The following ACTN2 variants were observed in gnomAD, a reference collection of about 807,000 sequenced individuals.
The protein encoded by ACTN2 is alpha-actinin-2.
ACTN2 carries 39 observed loss-of-function variants against 113.8 expected under a neutral mutation model. The observed-to-expected ratio is 0.34, with a 90% confidence interval of 0.27 to 0.45. The LOEUF (loss-of-function observed/expected upper bound fraction) is 0.45. Ranked by LOEUF, ACTN2 falls within the 20% of genes least tolerant of loss-of-function variation. ACTN2 has a pLI of 1.00. For missense variants in ACTN2, 992 were observed against 1,177.9 expected, an observed-to-expected ratio of 0.84 and a Z score of 2.31; for synonymous variants, 429 against 444.1, an observed-to-expected ratio of 0.97 and a Z score of 0.43.
intron 1 of ACTN2, among the ~76,000 whole-genome samples, chr1:236,701,678 C>T (rs919651337): frequency 2.6e-5 from 4 of 152,174 alleles, no homozygotes; most frequent in Non-Finnish European, 4.4e-5. Context: ...TACACATCTG[C>T]AAAATGAAGA....
chr1:236,725,167 G>A (rs1383931553), intron 4 of ACTN2, among the ~76,000 whole-genome samples: 1 of 152,192 alleles, frequency 6.6e-6, no homozygotes, highest in Non-Finnish European at 1.5e-5. Context: ...TACAGATTGT[G>A]CTCAGTATTA....
chr1:236,690,892 A>G (rs1052175635), intron 1 of ACTN2, among the ~76,000 whole-genome samples: 2 of 150,264 alleles, frequency 1.3e-5, no homozygotes, highest in African/African-American at 4.9e-5. Flanking sequence ...GAAACTCTGT[A>G]CCCATTAAAA....
intron 14 of ACTN2, among the ~76,000 whole-genome samples, chr1:236,750,386 G>A (rs1659360178): frequency 6.6e-6 from 1 of 152,118 alleles, no homozygotes; most frequent in Non-Finnish European, 1.5e-5. Flanking sequence ...TTTGAAAGAG[G>A]CTCCGATGGT....
rs886046206 is a variant in ACTN2 at position 236,739,456 on chromosome 1, A to C, written c.1031A>C (p.Asn344Thr). 1 of 1,614,140 alleles carries C rather than the reference A, an allele frequency of 6.2e-7. No individual in the cohort carries two copies. The highest frequency in any genetic ancestry group is 8.5e-7 in the Non-Finnish European group (1 of 1,180,022). The change falls in exon 10 of 21, where the codon AAC becomes ACC. Residue 344 changes from asparagine to threonine, a missense_variant. This residue lies in a region of ACTN2 where 736 missense variants were observed against 815.4 expected (regional missense o/e 0.90). Transcript: ENST00000366578. ...CAGGAGAAATGCCAGCTGGAGATCA[A>C]CTTCAACACGCTGCAGACCAAGCTG... is the stretch of plus-strand genomic sequence containing the variant. ...KVQEKCQLEI[N>T]FNTLQTKLRI...
At position 236,743,042 on chromosome 1, in the gene ACTN2, T is replaced by C. The variant is rs1659121203; in HGVS notation, c.1254T>C (p.Tyr418=). ...QKASTHETWA[Y]GKEQILLQKD... ...CCTCAACGCACGAGACTTGGGCTTA[T>C]GGTAAGTAGACAGGAGTCAGATTGG... The change falls in exon 11 of 21, where the codon TAT becomes TAC. Residue 418 remains tyrosine (Y), a splice_region_variant and synonymous_variant. Coordinates refer to ENST00000366578, the MANE Select transcript of ACTN2 (RefSeq NM_001103.4). 2 of 1,614,114 alleles carry C rather than the reference T, an allele frequency of 1.2e-6. No individual in the cohort carries two copies. The highest frequency in any genetic ancestry group is 1.7e-6 in the Non-Finnish European group (2 of 1,180,026).
intron 1 of ACTN2, among the ~76,000 whole-genome samples, chr1:236,709,366 G>T (rs542638998): frequency 7.4e-6 from 1 of 135,672 alleles, no homozygotes; most frequent in Non-Finnish European, 1.5e-5. Flanking sequence ...ATACGTGTGT[G>T]TGTATATATA....
intron 1 of ACTN2, among the ~76,000 whole-genome samples, chr1:236,691,094 G>C (rs1425426539): frequency 6.6e-6 from 1 of 151,834 alleles, no homozygotes; most frequent in African/African-American, 2.4e-5. Context: ...TGGGTAGCTA[G>C]GATTACAGCT....
chr1:236,762,823 A>G lies in ACTN2; in HGVS notation c.*204A>G. Reference sequence around the variant, plus strand: ...GTATATGACATAGTGCGCTTCATAAATAGGTTTATTTCTGAGTTTTTAGCA... The same window carrying G: ...GTATATGACATAGTGCGCTTCATAAGTAGGTTTATTTCTGAGTTTTTAGCA... On this transcript the variant is annotated 3_prime_UTR_variant, in exon 21 of 21. Transcript: ENST00000366578. The G allele has an allele frequency of 1.6e-6, 1 of 619,386 alleles. No individual in the cohort carries two copies. 38.4% of individuals were successfully genotyped at this position (619,386 alleles called of 1,614,324 possible). A position where few individuals can be genotyped will look rare whatever the true frequency, so the allele number is the denominator to read the frequency against.
chr1:236,752,262 T>C (rs1333282296), intron 15 of ACTN2, among the ~76,000 whole-genome samples: 2 of 152,174 alleles, frequency 1.3e-5, no homozygotes, highest in African/African-American at 4.8e-5. Flanking sequence ...AGTATGCCAA[T>C]CATAGTCTTT....
At chr1:236,755,237 C>T (rs777655285) in intron 17 of ACTN2, 39 bp downstream of exon 17, 41 of 1,612,424 alleles carry the variant, frequency 2.5e-5, no homozygotes, top group Middle Eastern at 1.7e-4. Context: ...TCACTTCTCA[C>T]GGGGACCATG....
At chr1:236,728,969 T>A (rs1281893434) in intron 6 of ACTN2, among the ~76,000 whole-genome samples, 2 of 151,986 alleles carry the variant, frequency 1.3e-5, no homozygotes, top group East Asian at 3.9e-4. Flanking sequence ...TTGTGGCTGC[T>A]CTGTGCTGCC....
intron 1 of ACTN2, among the ~76,000 whole-genome samples, chr1:236,705,092 G>A (rs1323633999): frequency 6.6e-6 from 1 of 152,146 alleles, no homozygotes; most frequent in African/African-American, 2.4e-5. Flanking sequence ...GGGAAAGCCT[G>A]CTCCTGAGGC....
intron 1 of ACTN2, among the ~76,000 whole-genome samples, chr1:236,711,592 C>T (rs977743687): frequency 2.6e-5 from 4 of 152,136 alleles, no homozygotes; most frequent in African/African-American, 9.7e-5. Context: ...TCAAGTGATC[C>T]ACCCACCTTG....
rs1277911349 is a variant in ACTN2, at chr1:236,731,371, T to C, written c.697+57T>C. 4 of 1,415,348 alleles carry C rather than the reference T, an allele frequency of 2.8e-6. No individual in the cohort carries two copies. In the East Asian group the frequency reaches 9.1e-5, roughly 32 times the overall value. The allele number at this position is 1,415,348 out of a possible 1,614,324, so 87.7% of individuals were successfully genotyped here. Reference sequence around the variant, plus strand: ...GGAAATTTGAAGACTACAAATGTTATGGCTACACATTGGGACCTTGCAAAA... The same window carrying C: ...GGAAATTTGAAGACTACAAATGTTACGGCTACACATTGGGACCTTGCAAAA... On this transcript the variant is annotated intron_variant, in intron 7 of 20. Transcript: ENST00000366578.
At chr1:236,692,441 G>A (rs897176889) in intron 1 of ACTN2, among the ~76,000 whole-genome samples, 3 of 152,178 alleles carry the variant, frequency 2.0e-5, no homozygotes, top group Admixed American at 1.3e-4. Flanking sequence ...TGCAGGGAAA[G>A]GAGCCACCGT....
intron 1 of ACTN2, among the ~76,000 whole-genome samples, chr1:236,709,346 A>G (rs557275559): frequency 3.0e-4 from 41 of 135,516 alleles, no homozygotes; most frequent in Non-Finnish European, 5.2e-4. Flanking sequence ...ATATACGTGT[A>G]TATATATATA....
At position 236,755,045 on chromosome 1, in the gene ACTN2, C is replaced by T; in HGVS notation, c.2001C>T (p.Ile667=). 3 of 1,614,234 alleles carry T rather than the reference C, an allele frequency of 1.9e-6. No homozygotes were observed. Among genetic ancestry groups the T allele is most frequent in the Non-Finnish European group, 2.5e-6 (3 of 1,180,036 alleles). ...AGATTGCCCGGAGCTCCATCCAGAT[C>T]ACAGGAGCCCTGGAAGACCAGATGA... is the stretch of plus-strand genomic sequence containing the variant. ...MEEIARSSIQ[I]TGALEDQMNQ... Residue 667 remains isoleucine (I), a synonymous_variant, in exon 17 of 21, where the codon ATC becomes ATT. Coordinates refer to ENST00000366578, the MANE Select transcript of ACTN2 (RefSeq NM_001103.4).
intron 5 of ACTN2, among the ~76,000 whole-genome samples, chr1:236,726,814 C>G (rs911484992): frequency 2.6e-5 from 4 of 152,222 alleles, no homozygotes; most frequent in Non-Finnish European, 5.9e-5. Flanking sequence ...TTCTTTGTCC[C>G]TACACCATGC....
chr1:236,706,852 C>T (rs1426150540), intron 1 of ACTN2, among the ~76,000 whole-genome samples: 4 of 152,142 alleles, frequency 2.6e-5, no homozygotes, highest in South Asian at 2.1e-4. Flanking sequence ...CGAATGCAGG[C>T]GCACCTGCTG....
Sources: gnomAD v4.1 joint callset for allele counts (sites outside exome capture counted in the v4.1 genomes callset) on GRCh38, gnomAD v4.1.1 for gene constraint, gnomAD v4.1.1 regional missense constraint, MANE v1.5 for transcripts, NCBI Gene and HGNC (gene_info 2026-07-23, HGNC 2026-07-21) for gene names.